Variants in EIF4EBP1 observed in about 807,000 individuals in gnomAD.
EIF4EBP1 encodes eukaryotic translation initiation factor 4E binding protein 1, also known as eukaryotic translation initiation factor 4E-binding protein 1.
Under a neutral mutation model 9.2 loss-of-function variants are expected in EIF4EBP1, and 5 were observed. That is an observed-to-expected ratio of 0.54 (90% CI 0.28 to 1.14). EIF4EBP1 has a LOEUF of 1.14. EIF4EBP1 is among the 50% of genes most tolerant of loss of function. The probability of loss-of-function intolerance (pLI) is 0.09; values close to 1 mark genes in which losing one functional copy is unlikely to be tolerated. For missense variants in EIF4EBP1, 139 were observed against 169.6 expected (o/e 0.82, Z 1.00); for synonymous variants, 62 against 67.0 (o/e 0.93, Z 0.36).
At chr8:38,059,060 G>A (rs1251702629) in intron 2 of EIF4EBP1, among the ~76,000 whole-genome samples, 1 of 152,162 alleles carries the variant, frequency 6.6e-6, no homozygotes, top group Admixed American at 6.5e-5. Context: ...CGCCAGCCTG[G>A]CCAAGAGAGT....
intron 1 of EIF4EBP1, among the ~76,000 whole-genome samples, chr8:38,044,203 C>T (rs936932122): frequency 4.6e-5 from 7 of 152,026 alleles, no homozygotes; most frequent in African/African-American, 1.7e-4. Context: ...GCCTCACGTC[C>T]CCACATCCAA....
intron 1 of EIF4EBP1, among the ~76,000 whole-genome samples, chr8:38,053,977 G>C (rs1233211225): frequency 6.6e-6 from 1 of 152,152 alleles, no homozygotes; most frequent in Non-Finnish European, 1.5e-5. Context: ...GGTGATGGTA[G>C]CACAACACCC....
chr8:38,038,076 A>G (rs976957226), intron 1 of EIF4EBP1, among the ~76,000 whole-genome samples: 12 of 152,132 alleles, frequency 7.9e-5, no homozygotes, highest in African/African-American at 2.9e-4. Flanking sequence ...CCAGCCAGAG[A>G]ATAACCTTCT....
intron 2 of EIF4EBP1, among the ~76,000 whole-genome samples, chr8:38,059,179 GTT>G (rs1201880060): frequency 1.3e-5 from 2 of 152,198 alleles, no homozygotes; most frequent in Non-Finnish European, 1.5e-5. Context: ...AATCCCCAGT[GTT>G]GGAGGTAGGG....
chr8:38,049,889 T>C (rs1809496066), intron 1 of EIF4EBP1, among the ~76,000 whole-genome samples: 1 of 150,846 alleles, frequency 6.6e-6, no homozygotes, highest in Non-Finnish European at 1.5e-5. Context: ...TTTTGCCTAT[T>C]GTTCATCTCT....
chr8:38,057,265 G>C lies in EIF4EBP1; in HGVS notation c.325+5G>C. On this transcript the variant is annotated splice_donor_5th_base_variant and intron_variant, in intron 2 of 2. Transcript: ENST00000338825. Reference sequence around the variant, plus strand: ...CAGAAGATAAGCGGGCGGGCGGTGAGTGTCGGGGCTTGGCCAGGCTCTACC... The same window carrying C: ...CAGAAGATAAGCGGGCGGGCGGTGACTGTCGGGGCTTGGCCAGGCTCTACC... 6.8e-7 allele frequency: 1 copy of C among 1,472,062 alleles called. No individual in the cohort carries two copies. The highest frequency in any genetic ancestry group is 9.0e-7 in the Non-Finnish European group (1 of 1,105,818). 91.2% of individuals were successfully genotyped at this position (1,472,062 alleles called of 1,614,324 possible).
At chr8:38,034,220 T>A (rs918233889) in intron 1 of EIF4EBP1, among the ~76,000 whole-genome samples, 2 of 151,944 alleles carry the variant, frequency 1.3e-5, no homozygotes, top group Admixed American at 1.3e-4. Flanking sequence ...CTAATTTTTT[T>A]ATTTTTTTGT....
chr8:38,050,682 A>G (rs1809508414), intron 1 of EIF4EBP1, among the ~76,000 whole-genome samples: 1 of 151,902 alleles, frequency 6.6e-6, no homozygotes, highest in South Asian at 2.1e-4. Flanking sequence ...TCATGATTAT[A>G]GCTCACTGCA....
At chr8:38,036,843 T>G (rs1475884027) in intron 1 of EIF4EBP1, among the ~76,000 whole-genome samples, 5 of 151,894 alleles carry the variant, frequency 3.3e-5, no homozygotes, top group Non-Finnish European at 7.4e-5. Context: ...AGAGATGAGG[T>G]TTCGCCATGT....
chr8:38,051,973 A>G (rs1444347304), intron 1 of EIF4EBP1, among the ~76,000 whole-genome samples: 1 of 152,030 alleles, frequency 6.6e-6, no homozygotes, highest in Non-Finnish European at 1.5e-5. Context: ...TGATCCTCCA[A>G]CCTTGGCCTC....
At chr8:38,043,330 T>C (rs1012479004) in intron 1 of EIF4EBP1, among the ~76,000 whole-genome samples, 2 of 151,972 alleles carry the variant, frequency 1.3e-5, no homozygotes, top group Non-Finnish European at 2.9e-5. Context: ...TGAAAGTCTC[T>C]GTCAAAGCCA....
chr8:38,037,019 T>A (rs897510400), intron 1 of EIF4EBP1, among the ~76,000 whole-genome samples: 1 of 152,090 alleles, frequency 6.6e-6, no homozygotes, highest in African/African-American at 2.4e-5. Flanking sequence ...AAAAAAAATG[T>A]TCAGTTGTGC....
chr8:38,031,684 A>G (rs1809223283), intron 1 of EIF4EBP1, among the ~76,000 whole-genome samples: 1 of 151,956 alleles, frequency 6.6e-6, no homozygotes, highest in Admixed American at 6.6e-5. Context: ...CCACATGCTT[A>G]TTTTCTCAGG....
chr8:38,057,298 A>G (rs768365014), intron 2 of EIF4EBP1, 38 bp downstream of exon 2: 21 of 1,536,396 alleles, frequency 1.4e-5, no homozygotes, highest in Non-Finnish European at 1.7e-5. Flanking sequence ...ACCTTGGGAA[A>G]GGGAATGTAT....
In EIF4EBP1 at chr8:38,047,172, G is replaced by A. The variant is rs150221180; in HGVS notation, c.146-9909G>A. ...TGGTGATCTCCTCTTACGCCTGTCTGTGGACTTCACACACTTGGCTGTAAT... is the reference window on the plus strand; with the variant it reads ...TGGTGATCTCCTCTTACGCCTGTCTATGGACTTCACACACTTGGCTGTAAT... On this transcript the variant is annotated intron_variant, in intron 1 of 2. Transcript: ENST00000338825. Among the ~76,000 whole-genome samples, 7 of 152,294 alleles carry A rather than the reference G, an allele frequency of 4.6e-5. No homozygotes were observed. The East Asian group carries it at 1.4e-3, about 29-fold the overall frequency.
intron 2 of EIF4EBP1, among the ~76,000 whole-genome samples, chr8:38,058,545 C>G (rs1347681357): frequency 6.6e-6 from 1 of 152,206 alleles, no homozygotes; most frequent in Non-Finnish European, 1.5e-5. Context: ...CCATAGCATT[C>G]CAGCCCTGGA....
chr8:38,045,189 C>G (rs1421707670), intron 1 of EIF4EBP1, among the ~76,000 whole-genome samples: 1 of 152,120 alleles, frequency 6.6e-6, no homozygotes, highest in East Asian at 1.9e-4. Context: ...GTTATTCCCT[C>G]CCTCTTATAA....
chr8:38,060,356 A>G lies in EIF4EBP1; in HGVS notation c.*421A>G, dbSNP rs1809660106. ...AGGAAATAAAAGCCACCTTCGCCCT[A>G]GGGCCAAGAGTTGGGCCCCGTCTGA... On this transcript the variant is annotated 3_prime_UTR_variant, in exon 3 of 3. Coordinates refer to ENST00000338825, the MANE Select transcript of EIF4EBP1 (RefSeq NM_004095.4). 1 of 249,012 alleles carries G rather than the reference A, an allele frequency of 4.0e-6. No homozygotes were observed. Among genetic ancestry groups the G allele is most frequent in the Admixed American group, 5.0e-5 (1 of 20,026 alleles). The allele number at this position is 249,012 out of a possible 1,614,324, so 15.4% of individuals were successfully genotyped here. A position where few individuals can be genotyped will look rare whatever the true frequency, so the allele number is the denominator to read the frequency against.
rs370855404 is a variant in EIF4EBP1 at position 38,049,479 on chromosome 8, CT to C, written c.146-7585del. ...TTCAATTCAGGAAAATTTCCGTCTT[CT>C]TTTTTTTTTTTTTTTTCTTGAGACA... On this transcript the variant is annotated intron_variant, in intron 1 of 2. Coordinates refer to ENST00000338825, the MANE Select transcript of EIF4EBP1 (RefSeq NM_004095.4). 3.2e-3 allele frequency among the ~76,000 whole-genome samples: 452 copies of C among 139,738 alleles called. 1 individual carries two copies. Among genetic ancestry groups the C allele is most frequent in the Middle Eastern group, 7.5e-3 (2 of 268 alleles). The allele number at this position is 139,738 out of a possible 152,430, so 91.7% of individuals were successfully genotyped here.
Sources: allele counts gnomAD v4.1 joint callset (sites outside exome capture counted in the v4.1 genomes callset), GRCh38; gene constraint gnomAD v4.1.1; transcripts MANE v1.5; gene names NCBI Gene and HGNC (gene_info 2026-07-23, HGNC 2026-07-21).